Variants in KIAA2012 observed in about 807,000 individuals in gnomAD.
KIAA2012 encodes the protein KIAA2012.
In KIAA2012, 125 loss-of-function variants were observed where a neutral mutation model predicts 150.6. The ratio of observed to expected loss-of-function variants is 0.83; its 90% confidence interval spans 0.72 to 0.96. The LOEUF (loss-of-function observed/expected upper bound fraction) is 0.96, where lower values mean the gene tolerates loss of function less well. Among genes scored for constraint, KIAA2012 ranks in the 40% least tolerant of loss-of-function variants. The probability of loss-of-function intolerance (pLI) is 0.00; values close to 1 mark genes in which losing one functional copy is unlikely to be tolerated. For synonymous variants in KIAA2012, 462 were observed against 504.7 expected (o/e 0.92, Z 1.13); for missense variants, 1,219 against 1,354.9 (o/e 0.90, Z 1.57).
intron 9 of KIAA2012, among the ~76,000 whole-genome samples, chr2:202,107,115 TA>T (rs1690216723): frequency 6.6e-6 from 1 of 152,146 alleles, no homozygotes; most frequent in African/African-American, 2.4e-5. Context: ...CACATAACTA[TA>T]AGTGGCCTCA....
chr2:202,109,824 T>A, intron 10 of KIAA2012, 35 bp downstream of exon 10: 1 of 1,486,808 alleles, frequency 6.7e-7, no homozygotes. Context: ...CGCCCCCCAC[T>A]GGCTTGAATG....
chr2:202,136,326 TG>T, intron 12 of KIAA2012: 1 of 154,972 alleles, frequency 6.5e-6, no homozygotes, highest in Non-Finnish European at 1.4e-5. Flanking sequence ...TTTGTAAAGG[TG>T]GCGCATCCGG....
intron 15 of KIAA2012, chr2:202,179,279 G>A: frequency 8.6e-7 from 1 of 1,156,762 alleles, no homozygotes; most frequent in Non-Finnish European, 1.3e-6. Flanking sequence ...CTTGTGCTTT[G>A]GCTCTTCGGG....
intron 14 of KIAA2012, among the ~76,000 whole-genome samples, chr2:202,158,259 G>T (rs369177776): frequency 6.6e-6 from 1 of 151,838 alleles, no homozygotes; most frequent in East Asian, 1.9e-4. Flanking sequence ...CTCCCAAAGT[G>T]CTGGGATTAC....
chr2:202,108,570 A>G (rs1690260334), intron 9 of KIAA2012, among the ~76,000 whole-genome samples: 1 of 152,208 alleles, frequency 6.6e-6, no homozygotes, highest in Non-Finnish European at 1.5e-5. Flanking sequence ...AAGATGGGCC[A>G]GTTGCTTTGC....
intron 5 of KIAA2012, 99 bp from the exon 6 acceptor site, chr2:202,099,514 C>A: frequency 1.0e-6 from 1 of 962,940 alleles, no homozygotes; most frequent in Non-Finnish European, 1.5e-6. Context: ...GAAATTTCAT[C>A]CTTGAAACCA....
intron 15 of KIAA2012, 51 bp downstream of exon 15, chr2:202,165,407 T>A: frequency 6.6e-7 from 1 of 1,510,960 alleles, no homozygotes; most frequent in South Asian, 1.2e-5. Context: ...AACTGTCAGA[T>A]GAACTTTGCA....
Position 202,099,647 on chromosome 2 carries a change from C to T in KIAA2012, c.863C>T (p.Ala288Val). Residue 288 changes from alanine to valine, a missense_variant, in exon 6 of 24, where the codon GCT becomes GTT. Physicochemically the swap from Ala to Val is moderately conservative, Grantham distance 64. Transcript: ENST00000498697. The part of the protein sequence containing the change: ...TSIENHLCLY[A>V]SKESYNEKTQ... ...ATAGAGAATCACCTTTGTTTATATG[C>T]TTCAAAGGAGAGCTACAATGAAAAG... 1 of 1,550,302 alleles carries T rather than the reference C, an allele frequency of 6.5e-7. No homozygotes were observed. Among genetic ancestry groups the T allele is most frequent in the Non-Finnish European group, 8.7e-7 (1 of 1,146,830 alleles).
At chr2:202,102,818 C>T (rs1359649012) in intron 7 of KIAA2012, 128 bp from the exon 8 acceptor site, 1 of 878,544 alleles carries the variant, frequency 1.1e-6, no homozygotes, top group Non-Finnish European at 1.7e-6. Flanking sequence ...CGGCTCCCAG[C>T]TGGATTAGCT....
intron 17 of KIAA2012, 29 bp from the exon 18 acceptor site, chr2:202,188,123 G>A (rs991131992): frequency 6.6e-7 from 1 of 1,504,898 alleles, no homozygotes; most frequent in African/African-American, 1.4e-5. Flanking sequence ...TACATATTAT[G>A]GTCCCCTTCC....
Position 202,188,262 on chromosome 2 carries a change from C to T in KIAA2012, c.2487C>T (p.Ala829=). Reference sequence around the variant, plus strand: ...AGGTCTACGGGCAAGCAGAGGCTGCCATTGGTAAGAGAGTGTGCCTGCAAG... The same window carrying T: ...AGGTCTACGGGCAAGCAGAGGCTGCTATTGGTAAGAGAGTGTGCCTGCAAG... ...EGKVYGQAEA[A]IGKSKDSKAK... Residue 829 remains alanine, a synonymous_variant, in exon 18 of 24, where the codon GCC becomes GCT. Coordinates refer to ENST00000498697, the MANE Select transcript of KIAA2012 (RefSeq NM_001277372.4). 6.5e-7 allele frequency: 1 copy of T among 1,549,204 alleles called. No homozygotes were observed. The highest frequency in any genetic ancestry group is 8.7e-7 in the Non-Finnish European group (1 of 1,146,358).
chr2:202,161,720 G>A (rs1269436322), intron 14 of KIAA2012, among the ~76,000 whole-genome samples: 2 of 152,030 alleles, frequency 1.3e-5, no homozygotes, highest in African/African-American at 4.8e-5. Flanking sequence ...ACGCTGCATT[G>A]CAAACTGACT....
intron 20 of KIAA2012, 113 bp from the exon 21 acceptor site, chr2:202,194,077 C>A: frequency 8.7e-7 from 1 of 1,152,206 alleles, no homozygotes; most frequent in Non-Finnish European, 1.2e-6. Flanking sequence ...ATAGGTTGCT[C>A]CCTGTGGCCT....
chr2:202,167,756 A>C (rs1197054618), intron 15 of KIAA2012, among the ~76,000 whole-genome samples: 2 of 151,990 alleles, frequency 1.3e-5, no homozygotes, highest in African/African-American at 2.4e-5. Flanking sequence ...AGGCAGGAGG[A>C]TCCCTAGAGC....
In KIAA2012 at chr2:202,168,941, T is replaced by G. The variant is rs1178918108; in HGVS notation, c.2119+3585T>G. 2.6e-5 allele frequency among the ~76,000 whole-genome samples: 4 copies of G among 152,208 alleles called. 1 individual carries two copies. Among genetic ancestry groups the G allele is most frequent in the Non-Finnish European group, 5.9e-5 (4 of 68,044 alleles). On this transcript the variant is annotated intron_variant, in intron 15 of 23. Transcript: ENST00000498697. The stretch of plus-strand genomic sequence containing the variant: ...AAGGAGGCCCAGAGCCCTATTGCCT[T>G]ATTCAAGAGACAGATGTGTAGTAGA...
At chr2:202,196,421 T>C (rs927959922) in intron 21 of KIAA2012, among the ~76,000 whole-genome samples, 2 of 151,640 alleles carry the variant, frequency 1.3e-5, no homozygotes, top group African/African-American at 4.8e-5. Context: ...GGTCTCAATC[T>C]CCTGACCTCG....
intron 12 of KIAA2012, chr2:202,138,168 G>T: frequency 4.0e-6 from 1 of 252,972 alleles, no homozygotes; most frequent in East Asian, 7.2e-5. Context: ...ATTTACTTTT[G>T]TTCTTTTAAA....
intron 9 of KIAA2012, among the ~76,000 whole-genome samples, chr2:202,109,374 C>G (rs916412465): frequency 1.6e-4 from 25 of 152,130 alleles, no homozygotes; most frequent in African/African-American, 5.8e-4. Context: ...ATTTTGGCCA[C>G]CGGAGATATC....
rs147570864 is a variant in KIAA2012, at chr2:202,146,332, A to T, written c.1908+7824A>T. 1.7e-3 allele frequency among the ~76,000 whole-genome samples: 262 copies of T among 152,162 alleles called. 2 individuals are homozygous for T. The highest frequency in any genetic ancestry group is 5.4e-3 in the African/African-American group (223 of 41,516). ...AGCCTGGGCAACAAAGTGAGACCCC[A>T]TCTCTATAAAAAAGTAGCAGCCGGG... On this transcript the variant is annotated intron_variant, in intron 13 of 23. Transcript: ENST00000498697.
Sources: allele counts gnomAD v4.1 joint callset (sites outside exome capture counted in the v4.1 genomes callset), GRCh38; gene constraint gnomAD v4.1.1; transcripts MANE v1.5; gene names NCBI Gene and HGNC (gene_info 2026-07-23, HGNC 2026-07-21).